The following EXT2 variants were observed in gnomAD, a reference collection of about 807,000 sequenced individuals.
EXT2 encodes the protein exostosin-2.
EXT2 carries 53 observed loss-of-function variants against 81.6 expected under a neutral mutation model. The observed-to-expected ratio is 0.65, with a 90% confidence interval of 0.52 to 0.82. The LOEUF is 0.82. EXT2 is among the 40% of genes least tolerant of loss of function. The probability of loss-of-function intolerance (pLI) is 0.00; values close to 1 mark genes in which losing one functional copy is unlikely to be tolerated. For synonymous variants in EXT2, 320 were observed against 340.0 expected, an observed-to-expected ratio of 0.94 and a Z score of 0.65; for missense variants, 774 against 910.2, an observed-to-expected ratio of 0.85 and a Z score of 1.93.
In EXT2 at chr11:44,244,347, C is replaced by T. The variant is rs928349883; in HGVS notation, c.*60C>T. On this transcript the variant is annotated 3_prime_UTR_variant, in exon 14 of 14. Transcript: ENST00000533608. ...GGGACAGAGGGAGAGAACAAGGCCT[C>T]CCAGCACTCTGATGTCAGAGTAGTA... The T allele has an allele frequency of 3.2e-6, 5 of 1,583,374 alleles. No homozygotes were observed. Among genetic ancestry groups the T allele is most frequent in the Non-Finnish European group, 2.6e-6 (3 of 1,152,466 alleles).
rs1245330346 is a variant in EXT2 at position 44,251,479 on chromosome 11, A to T, written c.*7192A>T. Among the ~76,000 whole-genome samples, 1 of 152,172 alleles carries T rather than the reference A, an allele frequency of 6.6e-6. No individual in the cohort carries two copies. Among genetic ancestry groups the T allele is most frequent in the Admixed American group, 6.5e-5 (1 of 15,272 alleles). Reference sequence around the variant, plus strand: ...GGTTCTTTTAGGCCTTAACAGCACAATAAAAGTATCCCATGAGACCATTAT... The same window carrying T: ...GGTTCTTTTAGGCCTTAACAGCACATTAAAAGTATCCCATGAGACCATTAT... On this transcript the variant is annotated 3_prime_UTR_variant, in exon 14 of 14. Coordinates refer to ENST00000533608, the MANE Select transcript of EXT2 (RefSeq NM_207122.2).
rs1345821503 is a variant in EXT2 at position 44,234,246 on chromosome 11, A to C, written c.1935+3A>C. On this transcript the variant is annotated splice_donor_region_variant and intron_variant, in intron 12 of 13. Transcript: ENST00000533608. Reference sequence around the variant, plus strand: ...TCACGGGAAAAGCAGTTATCAAGGTAGGAGGCTCTGCCACTCACTTGCTTT... The same window carrying C: ...TCACGGGAAAAGCAGTTATCAAGGTCGGAGGCTCTGCCACTCACTTGCTTT... The C allele has an allele frequency of 5.6e-6, 9 of 1,613,794 alleles. No homozygotes were observed. Among genetic ancestry groups the C allele is most frequent in the Admixed American group, 3.3e-5 (2 of 59,992 alleles).
intron 7 of EXT2, among the ~76,000 whole-genome samples, chr11:44,157,107 T>C (rs1954865589): frequency 6.6e-6 from 1 of 152,220 alleles, no homozygotes; most frequent in Admixed American, 6.5e-5. Context: ...TGTGATGAGC[T>C]GCCTAGAACT....
At chr11:44,116,781 T>C (rs1314415978) in intron 4 of EXT2, 1 of 152,234 alleles carries the variant, frequency 6.6e-6, no homozygotes, top group Non-Finnish European at 1.5e-5. Context: ...TATCTTTTCA[T>C]GTGCTTATTG....
intron 7 of EXT2, among the ~76,000 whole-genome samples, chr11:44,167,903 C>T (rs536846743): frequency 2.7e-4 from 41 of 151,912 alleles, no homozygotes; most frequent in African/African-American, 8.5e-4. Context: ...CATGCTGGTG[C>T]GCTGCACCCA....
intron 1 of EXT2, among the ~76,000 whole-genome samples, chr11:44,098,147 A>G (rs985708213): frequency 6.6e-6 from 1 of 152,046 alleles, no homozygotes; most frequent in Non-Finnish European, 1.5e-5. Context: ...TCAGTCTGTC[A>G]TCTTCCGGGG....
chr11:44,208,021 G>A (rs1196107246), intron 10 of EXT2, among the ~76,000 whole-genome samples: 1 of 152,074 alleles, frequency 6.6e-6, no homozygotes, highest in Non-Finnish European at 1.5e-5. Flanking sequence ...GCCAATGAAA[G>A]GCATGAGAGT....
intron 10 of EXT2, among the ~76,000 whole-genome samples, chr11:44,229,612 GCCC>G (rs1443179894): frequency 6.6e-6 from 1 of 152,174 alleles, no homozygotes; most frequent in Non-Finnish European, 1.5e-5. Flanking sequence ...CACCAAAAAT[GCCC>G]CTTTACCTGC....
rs1474851037 is a variant in EXT2, at chr11:44,197,965, G to A, written c.1442G>A (p.Ser481Asn). ...ATCACTGAAGTGTCCAAGGTGCCCA[G>A]TCTATCCAAACTACTTGTCGTCTGG... is the stretch of plus-strand genomic sequence containing the variant. ...RVITEVSKVP[S>N]LSKLLVVWNN... is the part of the protein sequence containing the mutation. Residue 481 changes from serine (S) to asparagine (N), a missense_variant, in exon 9 of 14, where the codon AGT becomes AAT. Coordinates refer to ENST00000533608, the MANE Select transcript of EXT2 (RefSeq NM_207122.2). The A allele has an allele frequency of 1.2e-6, 2 of 1,614,052 alleles. No individual in the cohort carries two copies. The highest frequency in any genetic ancestry group is 1.1e-5 in the South Asian group (1 of 91,076).
chr11:44,207,404 G>A (rs1223627764), intron 10 of EXT2, among the ~76,000 whole-genome samples: 1 of 152,262 alleles, frequency 6.6e-6, no homozygotes, highest in Non-Finnish European at 1.5e-5. Context: ...GAGGCTGGCT[G>A]CCTGTCTTTA....
At chr11:44,171,565 A>T in intron 7 of EXT2, 46 bp from the exon 8 acceptor site, 1 of 1,613,696 alleles carries the variant, frequency 6.2e-7, no homozygotes, top group Non-Finnish European at 8.5e-7. Context: ...TAGTTTTCCC[A>T]CTCTGTCTCG....
At chr11:44,178,518 G>A (rs1955190021) in intron 8 of EXT2, among the ~76,000 whole-genome samples, 2 of 152,118 alleles carry the variant, frequency 1.3e-5, no homozygotes, top group South Asian at 4.2e-4. Context: ...TCCAGACGGT[G>A]GCCCTCACTC....
At chr11:44,211,283 T>C (rs1955645098) in intron 10 of EXT2, among the ~76,000 whole-genome samples, 1 of 152,170 alleles carries the variant, frequency 6.6e-6, no homozygotes, top group African/African-American at 2.4e-5. Flanking sequence ...TGGGTATATG[T>C]CCAAAGGAAT....
intron 10 of EXT2, among the ~76,000 whole-genome samples, chr11:44,227,468 A>G (rs1480157635): frequency 1.3e-5 from 2 of 152,230 alleles, no homozygotes; most frequent in Non-Finnish European, 2.9e-5. Flanking sequence ...TATTTTATAG[A>G]TGGCAAAATG....
At chr11:44,108,623 A>T (rs1357783454) in intron 2 of EXT2, among the ~76,000 whole-genome samples, 1 of 152,238 alleles carries the variant, frequency 6.6e-6, no homozygotes, top group Non-Finnish European at 1.5e-5. Context: ...AGGTAAGCAA[A>T]AAGAAGAATC....
chr11:44,167,274 A>G (rs1192206164), intron 7 of EXT2, among the ~76,000 whole-genome samples: 1 of 152,230 alleles, frequency 6.6e-6, no homozygotes, highest in Admixed American at 6.5e-5. Context: ...GCCAACTCCT[A>G]AGGTACACAT....
chr11:44,213,514 T>C (rs1955677783), intron 10 of EXT2, among the ~76,000 whole-genome samples: 1 of 152,132 alleles, frequency 6.6e-6, no homozygotes, highest in Admixed American at 6.5e-5. Context: ...AAACAGAAAG[T>C]TTCAGTAAAA....
chr11:44,131,910 G>T lies in EXT2; in HGVS notation c.1173+1772G>T, dbSNP rs189396724. ...GCGCCACCATGCCCGGCTAATTTTG[G>T]TACTTTCAGTAGAGACAGGATTTCA... is the stretch of plus-strand genomic sequence containing the variant. On this transcript the variant is annotated intron_variant, in intron 7 of 13. Coordinates refer to ENST00000533608, the MANE Select transcript of EXT2 (RefSeq NM_207122.2). Among the ~76,000 whole-genome samples, 195 of 152,174 alleles carry T rather than the reference G, an allele frequency of 1.3e-3. 1 individual carries two copies. The highest frequency in any genetic ancestry group is 4.6e-3 in the African/African-American group (191 of 41,524).
chr11:44,249,425 C>T lies in EXT2; in HGVS notation c.*5138C>T, dbSNP rs377401212. On this transcript the variant is annotated 3_prime_UTR_variant, in exon 14 of 14. Coordinates refer to ENST00000533608, the MANE Select transcript of EXT2 (RefSeq NM_207122.2). ...AAGGTAGTTCTCAAGAAGTACCAGG[C>T]AGCTGTGTCTGCTAGAGGCTTCCTC... Among the ~76,000 whole-genome samples, 11 of 152,222 alleles carry T rather than the reference C, an allele frequency of 7.2e-5. No individual in the cohort carries two copies. In the East Asian group the frequency reaches 1.9e-3, roughly 27 times the overall value.
Sources: gnomAD v4.1 joint callset for allele counts (sites outside exome capture counted in the v4.1 genomes callset) on GRCh38, gnomAD v4.1.1 for gene constraint, MANE v1.5 for transcripts, NCBI Gene and HGNC (gene_info 2026-07-23, HGNC 2026-07-21) for gene names.